SPON2: variants seen among roughly 807,000 people sequenced by gnomAD.
SPON2 encodes spondin 2.
Under a neutral mutation model 29.9 loss-of-function variants are expected in SPON2, and 32 were observed. That is an observed-to-expected ratio of 1.07 (90% CI 0.81 to 1.44). SPON2 has a LOEUF of 1.44. Ranked by LOEUF, SPON2 falls within the 40% of genes most tolerant of loss-of-function variation. SPON2 has a pLI of 0.00. For synonymous variants in SPON2, 248 were observed against 209.1 expected (o/e 1.19, Z -1.61); for missense variants, 541 against 455.5 (o/e 1.19, Z -1.71).
intron 1 of SPON2, among the ~76,000 whole-genome samples, chr4:1,181,096 A>G (rs936886272): frequency 6.6e-6 from 1 of 152,244 alleles, no homozygotes; most frequent in African/African-American, 2.4e-5. Context: ...TCATTATCAA[A>G]CCGTCAAAGC....
exon 1 of SPON2, chr4:1,207,981 G>A (rs1728387822): frequency 6.6e-6 from 1 of 152,500 alleles, no homozygotes; most frequent in Non-Finnish European, 1.5e-5. Flanking sequence ...CAGGCCGCGA[G>A]AGGCCCAGGG....
At chr4:1,207,457 G>A (rs1728370098) in intron 1 of SPON2, among the ~76,000 whole-genome samples, 1 of 152,166 alleles carries the variant, frequency 6.6e-6, no homozygotes, top group Non-Finnish European at 1.5e-5. Context: ...TGACCAACGG[G>A]GTCAGTAGCT....
chr4:1,170,307 T>G, intron 5 of SPON2, 95 bp downstream of exon 5: 1 of 1,258,076 alleles, frequency 7.9e-7, no homozygotes, highest in Non-Finnish European at 1.1e-6. Context: ...AATCCCTACT[T>G]GGAATTTCTC....
At chr4:1,170,921 G>A in intron 4 of SPON2, 78 bp downstream of exon 4, 1 of 1,519,224 alleles carries the variant, frequency 6.6e-7, no homozygotes, top group South Asian at 1.2e-5. Flanking sequence ...GCTGGGAGGC[G>A]AGGGTGCAGC....
rs144598487 is a variant in SPON2 at position 1,189,846 on chromosome 4, G to A, written c.-239+5144C>T. 2.9e-3 allele frequency among the ~76,000 whole-genome samples: 434 copies of A among 151,504 alleles called. 2 individuals carry two copies. The highest frequency in any genetic ancestry group is 9.6e-3 in the African/African-American group (398 of 41,274). ...TACTAAAAAATACAAAAAACTAGCC[G>A]GGCATGGTGGCACCCACCTGTAGTC... On this transcript the variant is annotated intron_variant, in intron 1 of 3. Transcript: ENST00000502483.
intron 1 of SPON2, among the ~76,000 whole-genome samples, chr4:1,181,489 G>A (rs912299619): frequency 2.0e-5 from 3 of 152,188 alleles, no homozygotes; most frequent in Admixed American, 6.5e-5. Context: ...ATTCTAGGAA[G>A]ATTCTGGGAA....
Position 1,167,174 on chromosome 4 carries a change from C to T in SPON2, c.*298G>A, listed in dbSNP as rs1727262821. ...GGAGCAGCAATAACTTATAAGGAGA[C>T]ATAATTTAGAGTAGCTGGAGCCTTG... is the stretch of plus-strand genomic sequence containing the variant. On this transcript the variant is annotated 3_prime_UTR_variant, in exon 6 of 6. Transcript: ENST00000290902. 1 of 370,160 alleles carries T rather than the reference C, an allele frequency of 2.7e-6. No individual in the cohort carries two copies. The highest frequency in any genetic ancestry group is 4.9e-6 in the Non-Finnish European group (1 of 203,194). The allele number at this position is 370,160 out of a possible 1,614,324, so 22.9% of individuals were successfully genotyped here. A position where few individuals can be genotyped will look rare whatever the true frequency, so the allele number is the denominator to read the frequency against.
At position 1,202,337 on chromosome 4, in the gene SPON2, C is replaced by G. The variant is rs1331695135; in HGVS notation, c.-234+5543G>C. 6.6e-6 allele frequency among the ~76,000 whole-genome samples: 1 copy of G among 152,206 alleles called. No homozygotes were observed. The highest frequency in any genetic ancestry group is 1.5e-5 in the Non-Finnish European group (1 of 68,036). ...ATCAAACACCTCCCATCAGTCCCCA[C>G]CTCCCGGCACTCCACGGGGTCTAAG... is the stretch of plus-strand genomic sequence containing the variant. On this transcript the variant is annotated intron_variant, in intron 1 of 3. Coordinates refer to the SPON2 transcript ENST00000509233. The surrounding 1 kb of genome is among the most constrained non-coding windows in gnomAD (Gnocchi z 5.4).
At chr4:1,167,787 C>G in intron 5 of SPON2, 131 bp from the exon 6 acceptor site, 3 of 971,398 alleles carry the variant, frequency 3.1e-6, no homozygotes, top group Middle Eastern at 6.1e-4. Flanking sequence ...ACTTGCGTTT[C>G]TCCGCACAGT....
chr4:1,193,622 G>T (rs1310831562), intron 1 of SPON2, among the ~76,000 whole-genome samples: 1 of 72,364 alleles, frequency 1.4e-5, no homozygotes, highest in East Asian at 4.0e-4. Flanking sequence ...GAAGGATGTG[G>T]AGGGGGCATG....
chr4:1,174,486 C>CAAAAAAAAAAAAAA (rs59532169), upstream of SPON2, among the ~76,000 whole-genome samples: 26 of 94,238 alleles, frequency 2.8e-4, no homozygotes, highest in African/African-American at 4.8e-4. Context: ...GACTCCATCT[C>CAAAAAAAAAAAAAA]AAAAAAAAAA....
intron 1 of SPON2, among the ~76,000 whole-genome samples, chr4:1,204,650 C>T (rs537332888): frequency 2.6e-5 from 4 of 152,154 alleles, no homozygotes; most frequent in Admixed American, 6.5e-5. Flanking sequence ...TATTTTTCCA[C>T]GTTAACTTCA....
chr4:1,193,604 G>A (rs1261870789), intron 1 of SPON2, among the ~76,000 whole-genome samples: 3 of 102,906 alleles, frequency 2.9e-5, no homozygotes, highest in Non-Finnish European at 4.3e-5. Flanking sequence ...AGAACGTGGG[G>A]GGCATGGGAA....
In SPON2 at chr4:1,167,217, C is replaced by T; in HGVS notation, c.*255G>A. On this transcript the variant is annotated 3_prime_UTR_variant, in exon 6 of 6. Transcript: ENST00000290902. ...GAGCCTTGGGGATGACTTTATCCTG[C>T]AGGAGGAGGAGGCTGAGAGCAGACG... 2.1e-6 allele frequency: 1 copy of T among 476,446 alleles called. No individual in the cohort carries two copies. The allele number at this position is 476,446 out of a possible 1,614,324, so 29.5% of individuals were successfully genotyped here.
At chr4:1,171,239 GC>G in intron 3 of SPON2, 23 bp downstream of exon 3, 1 of 1,427,502 alleles carries the variant, frequency 7.0e-7, no homozygotes. Context: ...CCCGGACCCC[GC>G]CCCCGGCCGG....
intron 4 of SPON2, 179 bp from the exon 5 acceptor site, chr4:1,170,755 G>T: frequency 4.0e-6 from 4 of 992,912 alleles, no homozygotes; most frequent in Non-Finnish European, 6.2e-6. Context: ...ACCGAGGCCA[G>T]GAAGGGGCAG....
intron 5 of SPON2, chr4:1,167,880 G>A (rs1036822440): frequency 4.1e-5 from 19 of 465,670 alleles, no homozygotes; most frequent in Non-Finnish European, 4.9e-5. Flanking sequence ...TTCTACGTAA[G>A]AGCCGGAGCT....
At chr4:1,175,877 G>A (rs1383469262), upstream of SPON2, among the ~76,000 whole-genome samples, 2 of 152,154 alleles carry the variant, frequency 1.3e-5, no homozygotes, top group Non-Finnish European at 2.9e-5. Flanking sequence ...ATTTGTCTGG[G>A]AAGGGAGGGG....
chr4:1,201,504 A>G (rs1728203791), intron 1 of SPON2: 1 of 174,826 alleles, frequency 5.7e-6, no homozygotes, highest in Non-Finnish European at 1.2e-5. Context: ...ACCACAGAGA[A>G]GGCTGCCTTC....
Sources: allele counts gnomAD v4.1 joint callset (sites outside exome capture counted in the v4.1 genomes callset), GRCh38; gene constraint gnomAD v4.1.1; non-coding constraint Gnocchi (gnomAD v3.1); transcripts MANE v1.5; gene names NCBI Gene and HGNC (gene_info 2026-07-23, HGNC 2026-07-21).